USP36: variants seen among roughly 807,000 people sequenced by gnomAD.
USP36 encodes ubiquitin carboxyl-terminal hydrolase 36.
In USP36, 59 loss-of-function variants were observed where a neutral mutation model predicts 111.5. That is an observed-to-expected ratio of 0.53 (90% CI 0.43 to 0.66). The LOEUF is 0.66. Among genes scored for constraint, USP36 ranks in the 30% least tolerant of loss-of-function variants. USP36 has a pLI of 0.00. For missense variants in USP36, 1,488 were observed against 1,468.0 expected, an observed-to-expected ratio of 1.01 and a Z score of -0.22; for synonymous variants, 628 against 581.0, an observed-to-expected ratio of 1.08 and a Z score of -1.16.
intron 3 of USP36, among the ~76,000 whole-genome samples, chr17:78,790,046 C>T (rs953682211): frequency 1.2e-4 from 19 of 152,036 alleles, no homozygotes; most frequent in Non-Finnish European, 2.6e-4. Context: ...TAGGCCTTGC[C>T]AAGAGAACTG....
At chr17:78,818,846 G>T (rs967163725) in intron 9 of USP36, 68 bp from the exon 10 acceptor site, 3 of 1,530,506 alleles carry the variant, frequency 2.0e-6, no homozygotes, top group East Asian at 2.3e-5. Context: ...TTGTCTTAAC[G>T]CTAAGTTAAT....
At chr17:78,823,675 A>G (rs2094384936) in intron 6 of USP36, among the ~76,000 whole-genome samples, 2 of 152,156 alleles carry the variant, frequency 1.3e-5, no homozygotes, top group South Asian at 2.1e-4. Flanking sequence ...CTCCACAGGC[A>G]TGGGCTCTCA....
At chr17:78,790,655 G>A (rs543374062), downstream of USP36, among the ~76,000 whole-genome samples, 35 of 152,188 alleles carry the variant, frequency 2.3e-4, no homozygotes, top group African/African-American at 7.9e-4. Context: ...CTGAAGTGCT[G>A]GAATTACAAG....
At chr17:78,794,219 G>A (rs1335872519), downstream of USP36, among the ~76,000 whole-genome samples, 1 of 152,226 alleles carries the variant, frequency 6.6e-6, no homozygotes, top group Non-Finnish European at 1.5e-5. Flanking sequence ...CTCACCTGCT[G>A]TTCTCTGCAC....
intron 6 of USP36, chr17:78,826,433 C>A (rs965401461): frequency 1.3e-5 from 2 of 152,140 alleles, no homozygotes; most frequent in Non-Finnish European, 2.9e-5. Flanking sequence ...GGCGACAGAG[C>A]AAGACTCCTG....
At chr17:78,836,506 T>G (rs937144768) in intron 2 of USP36, 134 bp from the exon 3 acceptor site, 26 of 1,193,606 alleles carry the variant, frequency 2.2e-5, no homozygotes, top group Non-Finnish European at 5.7e-6. Context: ...ATCCCCTGGA[T>G]CAGCTGCACA....
At chr17:78,835,818 C>A (rs554182220) in intron 3 of USP36, among the ~76,000 whole-genome samples, 1 of 152,180 alleles carries the variant, frequency 6.6e-6, no homozygotes, top group Non-Finnish European at 1.5e-5. Flanking sequence ...ATGCAGCCCA[C>A]CCCATTTCTC....
At chr17:78,793,395 A>G (rs2093599007), downstream of USP36, among the ~76,000 whole-genome samples, 1 of 152,190 alleles carries the variant, frequency 6.6e-6, no homozygotes. Context: ...AGCCCAACGA[A>G]GAAGGGCAGC....
In USP36 at chr17:78,802,277, G is replaced by A. The variant is rs376976440; in HGVS notation, c.3022+47C>T. On this transcript the variant is annotated intron_variant, in intron 17 of 20. Transcript: ENST00000449938. Reference sequence around the variant, plus strand: ...CACCCATGCGGTCCCCCAACCCCTCGCCCGGTGCACACCCATGCGGTTCCC... The same window carrying A: ...CACCCATGCGGTCCCCCAACCCCTCACCCGGTGCACACCCATGCGGTTCCC... 7.6e-5 allele frequency: 94 copies of A among 1,234,868 alleles called. 2 individuals carry two copies. In the African/African-American group the frequency reaches 1.2e-3, roughly 15 times the overall value. 76.5% of individuals were successfully genotyped at this position (1,234,868 alleles called of 1,614,324 possible).
intron 9 of USP36, chr17:78,818,992 A>G (rs2094253748): frequency 4.1e-6 from 2 of 483,290 alleles, no homozygotes; most frequent in African/African-American, 2.0e-5. Context: ...GAAAGTGGGA[A>G]GATTCTAAAG....
chr17:78,806,404 T>A (rs2093902856), intron 14 of USP36, 118 bp from the exon 15 acceptor site: 2 of 1,400,104 alleles, frequency 1.4e-6, no homozygotes, highest in East Asian at 4.8e-5. Context: ...GAAAAAAAGA[T>A]GAGGAGACAG....
chr17:78,818,543 T>C, intron 10 of USP36, 124 bp downstream of exon 10: 1 of 810,218 alleles, frequency 1.2e-6, no homozygotes, highest in Non-Finnish European at 2.0e-6. Flanking sequence ...TGTAGAACCT[T>C]TAGAACAGGG....
At position 78,819,873 on chromosome 17, in the gene USP36, A is replaced by C. The variant is rs578040935; in HGVS notation, c.911+57T>G. Reference sequence around the variant, plus strand: ...TGGGTGGGCACAACACTGTCAGGTGAGGGGACTTATTTCCCGTCTGGTATC... The same window carrying C: ...TGGGTGGGCACAACACTGTCAGGTGCGGGGACTTATTTCCCGTCTGGTATC... On this transcript the variant is annotated intron_variant, in intron 9 of 20. Transcript: ENST00000449938. 1.9e-6 allele frequency: 3 copies of C among 1,566,012 alleles called. No homozygotes were observed. The South Asian group carries it at 3.3e-5, about 17-fold the overall frequency.
intron 18 of USP36, among the ~76,000 whole-genome samples, chr17:78,799,447 G>C (rs1335458519): frequency 6.6e-6 from 1 of 152,158 alleles, no homozygotes; most frequent in Non-Finnish European, 1.5e-5. Context: ...ACCCTCAGAA[G>C]CAGCTGTTCT....
In USP36 at chr17:78,805,645, A is replaced by G. The variant is rs1033111713; in HGVS notation, c.2216+511T>C. On this transcript the variant is annotated intron_variant, in intron 15 of 20. Transcript: ENST00000449938. The stretch of plus-strand genomic sequence containing the variant: ...GCAGCCCCTGCGGACCAGGGCCCAC[A>G]TGCACAGGGAAGGGGCTGCATCTCT... Among the ~76,000 whole-genome samples the G allele has an allele frequency of 3.0e-4, 46 of 152,198 alleles. 1 individual carries two copies. The highest frequency in any genetic ancestry group is 2.7e-3 in the Admixed American group (42 of 15,278).
chr17:78,810,866 G>C (rs562971381), intron 13 of USP36, among the ~76,000 whole-genome samples: 1 of 152,064 alleles, frequency 6.6e-6, no homozygotes, highest in South Asian at 2.1e-4. Flanking sequence ...TGTATCCCAG[G>C]ACTCTGGGAG....
At chr17:78,793,723 G>A (rs1278911059), downstream of USP36, among the ~76,000 whole-genome samples, 8 of 152,240 alleles carry the variant, frequency 5.3e-5, no homozygotes, top group Middle Eastern at 3.4e-3. Flanking sequence ...TCACAGCACC[G>A]TCCAGTGTTA....
chr17:78,813,433 T>C (rs1221869901), intron 12 of USP36, among the ~76,000 whole-genome samples: 1 of 152,118 alleles, frequency 6.6e-6, no homozygotes, highest in Non-Finnish European at 1.5e-5. Context: ...CTTCCCAGCA[T>C]ATCCCTACAG....
chr17:78,834,181 A>G (rs1357893265), intron 4 of USP36, among the ~76,000 whole-genome samples: 1 of 150,896 alleles, frequency 6.6e-6, no homozygotes, highest in Non-Finnish European at 1.5e-5. Context: ...CAGGAGGCGG[A>G]GGTTGCAGTG....
Sources: gnomAD v4.1 joint callset for allele counts (sites outside exome capture counted in the v4.1 genomes callset) on GRCh38, gnomAD v4.1.1 for gene constraint, MANE v1.5 for transcripts, NCBI Gene and HGNC (gene_info 2026-07-23, HGNC 2026-07-21) for gene names.